FEZF1: variants seen among roughly 807,000 people sequenced by gnomAD.
FEZF1 encodes the protein fez family zinc finger protein 1.
Under a neutral mutation model 32.4 loss-of-function variants are expected in FEZF1, and 8 were observed. That is an observed-to-expected ratio of 0.25 (90% CI 0.15 to 0.45). The LOEUF (loss-of-function observed/expected upper bound fraction) is 0.45, where lower values mean the gene tolerates loss of function less well. Among genes scored for constraint, FEZF1 ranks in the 20% least tolerant of loss-of-function variants. The pLI is 1.00. For missense variants in FEZF1, 546 were observed against 622.3 expected, an observed-to-expected ratio of 0.88 and a Z score of 1.31; for synonymous variants, 259 against 265.2, an observed-to-expected ratio of 0.98 and a Z score of 0.23.
Position 122,302,801 on chromosome 7 carries a change from T to G in FEZF1, c.1067A>C (p.Lys356Thr). 6.2e-7 allele frequency: 1 copy of G among 1,613,838 alleles called. No individual in the cohort carries two copies. Among genetic ancestry groups the G allele is most frequent in the Non-Finnish European group, 8.5e-7 (1 of 1,179,818 alleles). Residue 356 changes from lysine to threonine, a missense_variant and splice_region_variant, in exon 3 of 4, where the codon AAA becomes ACA. Coordinates refer to ENST00000442488, the MANE Select transcript of FEZF1 (RefSeq NM_001024613.4). The surrounding 1 kb of genome is among the most constrained non-coding windows in gnomAD (Gnocchi z 4.4). Reference sequence around the variant, plus strand: ...GAGACATTTCCTGGTTTGCATACCTTTTTGATGAAACCCTTTGCCACAGAA... The same window carrying G: ...GAGACATTTCCTGGTTTGCATACCTGTTTGATGAAACCCTTTGCCACAGAA... ...CEFCGKGFHQ[K>T]GNYKNHKLTH...
rs1437550450 is a variant in FEZF1 at position 122,304,544 on chromosome 7, A to G, written c.-107T>C. 5.5e-6 allele frequency: 5 copies of G among 904,426 alleles called. No individual in the cohort carries two copies. In the East Asian group the frequency reaches 1.1e-4, roughly 20 times the overall value. The allele number at this position is 904,426 out of a possible 1,614,324, so 56.0% of individuals were successfully genotyped here. ...GAGGGGGACGGGCACCATCACCACCAGTAGCCTCCTCCTCCTCCTCCTCCC... is the reference window on the plus strand; with the variant it reads ...GAGGGGGACGGGCACCATCACCACCGGTAGCCTCCTCCTCCTCCTCCTCCC... On this transcript the variant is annotated 5_prime_UTR_variant, in exon 1 of 4. Transcript: ENST00000442488.
rs377496301 is a variant in FEZF1 at position 122,302,520 on chromosome 7, T to C, written c.1070-165A>G. Among the ~76,000 whole-genome samples the C allele has an allele frequency of 3.3e-5, 5 of 152,278 alleles. No individual in the cohort carries two copies. Among genetic ancestry groups the C allele is most frequent in the East Asian group, 3.9e-4 (2 of 5,154 alleles). On this transcript the variant is annotated intron_variant, in intron 3 of 3. Coordinates refer to ENST00000442488, the MANE Select transcript of FEZF1 (RefSeq NM_001024613.4). This position sits in a 1 kb window ranked among gnomAD's most constrained non-coding sequence, Gnocchi z 4.4. ...GCCTGCACTTGTCTCCCCAAGTTTA[T>C]TTTCAAGCATCGCATCAACAGTGAT...
At chr7:122,310,219 G>A (rs3958045) in exon 1 of FEZF1, 91,244 of 152,078 alleles carry the variant, frequency 0.6, 27,807 homozygotes, top group Non-Finnish European at 0.65. Flanking sequence ...CTCCGGCCCG[G>A]GAGTGCCCCG....
At chr7:122,309,790 C>G (rs1187786718) in intron 1 of FEZF1, 2 of 152,142 alleles carry the variant, frequency 1.3e-5, no homozygotes, top group East Asian at 3.9e-4. Context: ...GAAGATAGCC[C>G]AAACATGCTC....
chr7:122,310,332 T>C (rs1011408285), exon 1 of FEZF1: 2 of 152,120 alleles, frequency 1.3e-5, no homozygotes, highest in African/African-American at 4.8e-5. Flanking sequence ...GCTGCTGGAG[T>C]TGGGGCAGAG....
rs10685687 is a variant in FEZF1, at chr7:122,302,778, G to GACA, written c.1069+18_1069+20dup. 1 allele frequency: 1,607,469 copies of GACA among 1,610,998 alleles called. 802,019 individuals carry two copies. Among genetic ancestry groups the GACA allele is most frequent in the East Asian group, 1 (44,841 of 44,842 alleles). On this transcript the variant is annotated intron_variant, in intron 3 of 3. Coordinates refer to ENST00000442488, the MANE Select transcript of FEZF1 (RefSeq NM_001024613.4). The surrounding 1 kb of genome is among the most constrained non-coding windows in gnomAD (Gnocchi z 4.4). Reference sequence around the variant, plus strand: ...GCTTTTCATAAGACTAACCATGAGAGACATTTCCTGGTTTGCATACCTTTT... The same window carrying GACA: ...GCTTTTCATAAGACTAACCATGAGAGACAACATTTCCTGGTTTGCATACCTTTT...
Position 122,304,049 on chromosome 7 carries a change from T to C in FEZF1, c.389A>G (p.Asp130Gly). The C allele has an allele frequency of 6.4e-7, 1 of 1,558,868 alleles. No individual in the cohort carries two copies. Among genetic ancestry groups the C allele is most frequent in the Non-Finnish European group, 8.7e-7 (1 of 1,154,258 alleles). The change falls in exon 1 of 4, where the codon GAC (aspartate) becomes GGC (glycine). Residue 130 changes from aspartate (D) to glycine (G), a missense_variant. Physicochemically the swap from Asp to Gly is moderately conservative, Grantham distance 94 (BLOSUM62 -1). Transcript: ENST00000442488. Reference protein sequence around the residue: ...LLNCALSLKGDLARDALPLQQ... With the variant: ...LLNCALSLKGGLARDALPLQQ... Reference sequence around the variant, plus strand: ...CAGCGGCAGCGCGTCGCGGGCCAGGTCGCCCTTGAGACTCAGTGCGCAGTT... The same window carrying C: ...CAGCGGCAGCGCGTCGCGGGCCAGGCCGCCCTTGAGACTCAGTGCGCAGTT...
At chr7:122,309,354 C>T (rs1478081780), upstream of FEZF1, among the ~76,000 whole-genome samples, 1 of 152,180 alleles carries the variant, frequency 6.6e-6, no homozygotes, top group Non-Finnish European at 1.5e-5. Context: ...TTATTTGTCT[C>T]TAGACCTTTG....
intron 1 of FEZF1, chr7:122,309,990 A>G (rs928436185): frequency 2.0e-5 from 3 of 152,244 alleles, no homozygotes; most frequent in Non-Finnish European, 4.4e-5. Flanking sequence ...TGTTTCCTTG[A>G]CACTACCCAC....
In FEZF1 at chr7:122,303,924, G is replaced by A; in HGVS notation, c.514C>T (p.Pro172Ser). 2 of 1,611,798 alleles carry A rather than the reference G, an allele frequency of 1.2e-6. No homozygotes were observed. Among genetic ancestry groups the A allele is most frequent in the South Asian group, 1.1e-5 (1 of 90,802 alleles). ...YLNRGDGPCH[P>S]AAGVNIHPVA... ...GGGTGGATGTTCACGCCGGCTGCCG[G>A]GTGGCATGGGCCGTCACCTCGGTTC... is the stretch of plus-strand genomic sequence containing the variant. Residue 172 changes from proline to serine, a missense_variant, in exon 1 of 4, where the codon CCG becomes TCG. By Grantham distance (74) the Pro-to-Ser change is moderately conservative. Around this residue, in one of 3 missense-constraint regions of FEZF1, gnomAD observed 345 missense variants for 360.6 expected, o/e 0.96. Coordinates refer to ENST00000442488, the MANE Select transcript of FEZF1 (RefSeq NM_001024613.4).
chr7:122,306,811 A>T (rs551866185), upstream of FEZF1: 1 of 152,380 alleles, frequency 6.6e-6, no homozygotes, highest in Admixed American at 6.5e-5. Context: ...GCCTCGTTTC[A>T]GGCCTCGAGG....
At position 122,303,618 on chromosome 7, in the gene FEZF1, C is replaced by G. The variant is rs747848212; in HGVS notation, c.801+19G>C. On this transcript the variant is annotated intron_variant, in intron 1 of 3. Transcript: ENST00000442488. The stretch of plus-strand genomic sequence containing the variant: ...GGAAGGGAGGGAAGGAAAGGATCTC[C>G]GTTTTGCATTGTACTTGCCTTTCCA... The G allele has an allele frequency of 6.3e-7, 1 of 1,596,742 alleles. No homozygotes were observed. Among genetic ancestry groups the G allele is most frequent in the Admixed American group, 1.7e-5 (1 of 59,028 alleles).
In FEZF1 at chr7:122,301,526, G is replaced by A. The variant is rs2031031449; in HGVS notation, c.*471C>T. ...ACAGTGTTTTGTTACTTCAGGGAAAGAGGAAATGATCAACATCCAGCAGAC... is the reference window on the plus strand; with the variant it reads ...ACAGTGTTTTGTTACTTCAGGGAAAAAGGAAATGATCAACATCCAGCAGAC... On this transcript the variant is annotated 3_prime_UTR_variant, in exon 4 of 4. Transcript: ENST00000442488. 1 of 155,570 alleles carries A rather than the reference G, an allele frequency of 6.4e-6. No individual in the cohort carries two copies. The highest frequency in any genetic ancestry group is 2.0e-4 in the South Asian group (1 of 4,910). 9.6% of individuals were successfully genotyped at this position (155,570 alleles called of 1,614,324 possible).
At chr7:122,303,013 C>A in intron 2 of FEZF1, 82 bp from the exon 3 acceptor site, 1 of 1,536,192 alleles carries the variant, frequency 6.5e-7, no homozygotes, top group Non-Finnish European at 8.8e-7. Flanking sequence ...CACAGTAATG[C>A]TTAAACACTT....
chr7:122,309,199 C>G (rs572258070), upstream of FEZF1, among the ~76,000 whole-genome samples: 8 of 152,212 alleles, frequency 5.3e-5, no homozygotes, highest in South Asian at 1.7e-3. Context: ...TACTAGTGTG[C>G]TTTTAGTTAG....
upstream of FEZF1, among the ~76,000 whole-genome samples, chr7:122,308,717 C>T (rs892816359): frequency 3.9e-5 from 6 of 152,030 alleles, no homozygotes; most frequent in African/African-American, 1.5e-4. Flanking sequence ...TGACTTGTCC[C>T]TGGTCATGTT....
At chr7:122,304,958 C>T (rs1442734775), upstream of FEZF1, 1 of 152,878 alleles carries the variant, frequency 6.5e-6, no homozygotes, top group African/African-American at 2.4e-5. Flanking sequence ...CCCCACCCCC[C>T]TTTTGCTTCC....
rs1288035013 is a variant in FEZF1, at chr7:122,303,670, C to T, written c.768G>A (p.Lys256=). ...SDFSRGSPNA[K]PKVFTCEVCG... ...ACACTTCGCAAGTGAAAACTTTGGG[C>T]TTGGCATTAGGAGAGCCTCGGCTGA... is the stretch of plus-strand genomic sequence containing the variant. The change falls in exon 1 of 4, where the codon AAG becomes AAA. Residue 256 remains lysine, a synonymous_variant. Coordinates refer to ENST00000442488, the MANE Select transcript of FEZF1 (RefSeq NM_001024613.4). 2 of 1,614,040 alleles carry T rather than the reference C, an allele frequency of 1.2e-6. No individual in the cohort carries two copies. Among genetic ancestry groups the T allele is most frequent in the East Asian group, 2.2e-5 (1 of 44,856 alleles).
At chr7:122,306,259 C>T (rs1394084499), upstream of FEZF1, 1 of 152,932 alleles carries the variant, frequency 6.5e-6, no homozygotes, top group Non-Finnish European at 1.5e-5. Flanking sequence ...GTGCCATCTG[C>T]CTGGTGAGTT....
Sources: allele counts gnomAD v4.1 joint callset (sites outside exome capture counted in the v4.1 genomes callset), GRCh38; gene constraint gnomAD v4.1.1; regional missense constraint gnomAD v4.1.1; non-coding constraint Gnocchi (gnomAD v3.1); transcripts MANE v1.5; gene names NCBI Gene and HGNC (gene_info 2026-07-23, HGNC 2026-07-21).